ABCG1: variants seen among roughly 807,000 people sequenced by gnomAD.
ABCG1 encodes ATP-binding cassette sub-family G member 1.
Under a neutral mutation model 69.2 loss-of-function variants are expected in ABCG1, and 29 were observed. The observed-to-expected ratio is 0.42, with a 90% CI of 0.31 to 0.57. The LOEUF (loss-of-function observed/expected upper bound fraction) is 0.57. Among genes scored for constraint, ABCG1 ranks in the 20% least tolerant of loss-of-function variants. ABCG1 has a pLI of 0.15. For missense variants in ABCG1, 718 were observed against 898.1 expected, an observed-to-expected ratio of 0.80 and a Z score of 2.56; for synonymous variants, 370 against 374.8, an observed-to-expected ratio of 0.99 and a Z score of 0.15.
At position 42,265,432 on chromosome 21, in the gene ABCG1, T is replaced by G. The variant is rs377409963; in HGVS notation, c.287-5638T>G. ...GGCCCCTGATCTCATATGACAGCTG[T>G]CTGGATAAGAAGATGGGAATTTGGA... is the stretch of plus-strand genomic sequence containing the variant. On this transcript the variant is annotated intron_variant, in intron 2 of 14. Transcript: ENST00000398449. Among the ~76,000 whole-genome samples the G allele has an allele frequency of 1.4e-4, 22 of 152,164 alleles. 1 individual carries two copies. The highest frequency in any genetic ancestry group is 5.1e-4 in the African/African-American group (21 of 41,504).
At chr21:42,245,742 C>G (rs1295498609) in intron 2 of ABCG1, among the ~76,000 whole-genome samples, 1 of 152,188 alleles carries the variant, frequency 6.6e-6, no homozygotes, top group Non-Finnish European at 1.5e-5. Flanking sequence ...ATTTCCTTAT[C>G]TATTCCTGAG....
chr21:42,260,224 C>A (rs948291914), intron 2 of ABCG1: 42 of 1,539,196 alleles, frequency 2.7e-5, no homozygotes, highest in Non-Finnish European at 3.3e-5. Flanking sequence ...TTCAACCCTG[C>A]AGGTGGCATT....
chr21:42,220,119 C>T (rs1428265816), intron 1 of ABCG1: 2 of 1,384,322 alleles, frequency 1.4e-6, no homozygotes, highest in Non-Finnish European at 2.0e-6. Context: ...AACAACAAAC[C>T]AATCATCAGG....
intron 8 of ABCG1, 21 bp downstream of exon 8, chr21:42,286,015 C>G (rs761193569): frequency 8.5e-6 from 13 of 1,537,424 alleles, no homozygotes; most frequent in Non-Finnish European, 1.2e-5. Context: ...TCCTGAGCAG[C>G]TCGGGGGACA....
At chr21:42,201,727 T>A (rs2067508052) in intron 2 of ABCG1, 12 of 1,613,950 alleles carry the variant, frequency 7.4e-6, no homozygotes, top group Non-Finnish European at 1.0e-5. Context: ...CCCTCAGGTG[T>A]GGTCAGAAGA....
chr21:42,260,254 G>A, intron 2 of ABCG1: 1 of 1,511,416 alleles, frequency 6.6e-7, no homozygotes. Context: ...GCATTTCTAG[G>A]ACCCAGCTTC....
rs3827227 is a variant in ABCG1 at position 42,250,212 on chromosome 21, C to T, written c.287-20858C>T. Reference sequence around the variant, plus strand: ...AGGAGGAACTGAGGGTTTCTAGCTGCGCGTGTTGACCTTCTCCTGGGGTGG... The same window carrying T: ...AGGAGGAACTGAGGGTTTCTAGCTGTGCGTGTTGACCTTCTCCTGGGGTGG... On this transcript the variant is annotated intron_variant, in intron 2 of 14. Coordinates refer to ENST00000398449, the MANE Select transcript of ABCG1 (RefSeq NM_016818.3). Among the ~76,000 whole-genome samples the T allele has an allele frequency of 2.0e-3, 297 of 152,132 alleles. 5 individuals carry two copies. The East Asian group carries it at 0.028, about 15-fold the overall frequency.
At chr21:42,292,880 ACACACTACACACACAC>A (rs1284621985) in intron 13 of ABCG1, among the ~76,000 whole-genome samples, 1 of 139,196 alleles carries the variant, frequency 7.2e-6, no homozygotes, top group Non-Finnish European at 1.5e-5. Flanking sequence ...ACTACCCACC[ACACACTACACACACAC>A]CACACTACAC....
upstream of ABCG1, among the ~76,000 whole-genome samples, chr21:42,211,942 G>A (rs906092448): frequency 1.3e-5 from 2 of 151,958 alleles, no homozygotes; most frequent in Non-Finnish European, 2.9e-5. Flanking sequence ...AAAAAGAGAT[G>A]CGGTCCTTGG....
rs1217986313 is a variant in ABCG1 at position 42,288,002 on chromosome 21, G to A, written c.1087G>A (p.Val363Met). 8 of 1,613,118 alleles carry A rather than the reference G, an allele frequency of 5.0e-6. No homozygotes were observed. Among genetic ancestry groups the A allele is most frequent in the Non-Finnish European group, 6.8e-6 (8 of 1,179,416 alleles). ...HKRDLGGDAE[V>M]NPFLWHRPSE... ...GAGAGACCTCGGGGGTGATGCCGAG[G>A]TGAACCCTTTTCTTTGGCACCGGCC... is the stretch of plus-strand genomic sequence containing the variant. The change falls in exon 9 of 15, where the codon GTG becomes ATG. Residue 363 changes from valine (V) to methionine (M), a missense_variant. Physicochemically the swap from Val to Met is conservative, Grantham distance 21. Around this residue, in one of 2 missense-constraint regions of ABCG1, gnomAD observed 514 missense variants for 574.3 expected, o/e 0.90. Transcript: ENST00000398449. The surrounding 1 kb of genome is among the most constrained non-coding windows in gnomAD (Gnocchi z 4.8).
chr21:42,280,143 C>A (rs2068781409), intron 5 of ABCG1, among the ~76,000 whole-genome samples: 1 of 152,216 alleles, frequency 6.6e-6, no homozygotes, highest in Non-Finnish European at 1.5e-5. Flanking sequence ...CCCAGCTGTT[C>A]CTCAGCCATG....
At chr21:42,250,389 C>T (rs1185473644) in intron 2 of ABCG1, among the ~76,000 whole-genome samples, 1 of 152,136 alleles carries the variant, frequency 6.6e-6, no homozygotes, top group Non-Finnish European at 1.5e-5. Context: ...TGCCCCATGC[C>T]TCAGTGGTCT....
intron 2 of ABCG1, among the ~76,000 whole-genome samples, chr21:42,208,780 A>C (rs1035922150): frequency 6.6e-6 from 1 of 152,154 alleles, no homozygotes; most frequent in Admixed American, 6.5e-5. Flanking sequence ...TCCCTTTAAA[A>C]AGTAGTCATG....
At chr21:42,275,053 G>A (rs577755344) in intron 4 of ABCG1, among the ~76,000 whole-genome samples, 5 of 152,226 alleles carry the variant, frequency 3.3e-5, no homozygotes, top group African/African-American at 1.2e-4. Context: ...CAGTAGATGG[G>A]GGTTCGCCTT....
intron 2 of ABCG1, among the ~76,000 whole-genome samples, chr21:42,268,066 G>C (rs1361949760): frequency 6.6e-6 from 1 of 152,172 alleles, no homozygotes; most frequent in Non-Finnish European, 1.5e-5. Context: ...TCCTGCACGG[G>C]GCTGATGGGC....
At chr21:42,228,660 C>A (rs1474923127) in intron 2 of ABCG1, among the ~76,000 whole-genome samples, 2 of 152,190 alleles carry the variant, frequency 1.3e-5, no homozygotes, top group African/African-American at 4.8e-5. Context: ...TAGCACAGGG[C>A]CTTATGGGGT....
chr21:42,201,931 G>A (rs1322797500), intron 2 of ABCG1, among the ~76,000 whole-genome samples: 1 of 152,110 alleles, frequency 6.6e-6, no homozygotes, highest in Non-Finnish European at 1.5e-5. Flanking sequence ...TGCCCTTCAG[G>A]GTCATCCCTC....
chr21:42,286,864 G>C lies in ABCG1; in HGVS notation c.973+870G>C, dbSNP rs78647616. Among the ~76,000 whole-genome samples the C allele has an allele frequency of 7.0e-3, 1,062 of 152,356 alleles. 23 individuals carry two copies. Among genetic ancestry groups the C allele is most frequent in the African/African-American group, 0.024 (998 of 41,564 alleles). ...CCAGAGAGCGGGAGGTGAGGGGAGT[G>C]TGGCCCACTGTTGAGGGTGTGGGTG... On this transcript the variant is annotated intron_variant, in intron 8 of 14. Transcript: ENST00000398449.
intron 2 of ABCG1, among the ~76,000 whole-genome samples, chr21:42,228,042 C>T (rs2067845094): frequency 6.6e-6 from 1 of 152,164 alleles, no homozygotes; most frequent in South Asian, 2.1e-4. Flanking sequence ...ACCACATCAC[C>T]CAGTATGTGA....
Sources: allele counts gnomAD v4.1 joint callset (sites outside exome capture counted in the v4.1 genomes callset), GRCh38; gene constraint gnomAD v4.1.1; regional missense constraint gnomAD v4.1.1; non-coding constraint Gnocchi (gnomAD v3.1); transcripts MANE v1.5; gene names NCBI Gene and HGNC (gene_info 2026-07-23, HGNC 2026-07-21).